Variants in ARFGAP3 observed in about 807,000 individuals in gnomAD.
The protein encoded by ARFGAP3 is ARF GTPase activating protein 3.
In ARFGAP3, 72 loss-of-function variants were observed where a neutral mutation model predicts 75.0. The observed-to-expected ratio is 0.96, with a 90% confidence interval of 0.79 to 1.17. The LOEUF is 1.17. Among genes scored for constraint, ARFGAP3 ranks in the 50% most tolerant of loss-of-function variants. The probability of loss-of-function intolerance (pLI) is 0.00; values close to 1 mark genes in which losing one functional copy is unlikely to be tolerated. For synonymous variants in ARFGAP3, 221 were observed against 217.9 expected (o/e 1.01, Z -0.13); for missense variants, 620 against 626.6 (o/e 0.99, Z 0.11).
chr22:42,826,817 C>A, intron 7 of ARFGAP3, 123 bp downstream of exon 7: 1 of 628,208 alleles, frequency 1.6e-6, no homozygotes, highest in South Asian at 2.7e-5. Flanking sequence ...ATCTTATTAA[C>A]AGATTCGGTC....
intron 12 of ARFGAP3, among the ~76,000 whole-genome samples, chr22:42,810,003 TAAAA>T (rs35072147): frequency 1.4e-4 from 14 of 102,138 alleles, no homozygotes; most frequent in Admixed American, 4.5e-4. Flanking sequence ...GACTCCATCT[TAAAA>T]AAAAAAAAAA....
At chr22:42,854,374 C>T (rs528769259) in intron 1 of ARFGAP3, among the ~76,000 whole-genome samples, 100 of 152,350 alleles carry the variant, frequency 6.6e-4, no homozygotes, top group African/African-American at 2.1e-3. Context: ...CCTGTAATCA[C>T]AGCACTTTGG....
At chr22:42,828,728 C>T (rs1926155258) in intron 6 of ARFGAP3, among the ~76,000 whole-genome samples, 1 of 148,322 alleles carries the variant, frequency 6.7e-6, no homozygotes, top group Non-Finnish European at 1.5e-5. Flanking sequence ...TTCTGTTGCC[C>T]AGGCGGAGTG....
At position 42,803,395 on chromosome 22, in the gene ARFGAP3, T is replaced by C. The variant is rs568382076; in HGVS notation, c.1411+3678A>G. On this transcript the variant is annotated intron_variant, in intron 14 of 15. Transcript: ENST00000263245. ...TGGTTAAGGGACCTCACAAACAACC[T>C]ACCACTTGACCCCACGATGCACACA... Among the ~76,000 whole-genome samples, 28 of 152,292 alleles carry C rather than the reference T, an allele frequency of 1.8e-4. 2 individuals are homozygous for C. In the South Asian group the frequency reaches 5.8e-3, roughly 32 times the overall value.
chr22:42,802,603 A>ATTTT (rs544982207), intron 14 of ARFGAP3, among the ~76,000 whole-genome samples: 1 of 133,168 alleles, frequency 7.5e-6, no homozygotes, highest in Non-Finnish European at 1.6e-5. Context: ...CAAAATAAGA[A>ATTTT]TTTTTTTTTT....
Position 42,796,780 on chromosome 22 carries a change from A to T in ARFGAP3, c.*808T>A, listed in dbSNP as rs1283564037. The T allele has an allele frequency of 6.6e-6, 1 of 152,246 alleles. No homozygotes were observed. The highest frequency in any genetic ancestry group is 2.4e-5 in the African/African-American group (1 of 41,464). 9.4% of individuals were successfully genotyped at this position (152,246 alleles called of 1,614,324 possible). On this transcript the variant is annotated 3_prime_UTR_variant, in exon 16 of 16. Coordinates refer to ENST00000263245, the MANE Select transcript of ARFGAP3 (RefSeq NM_014570.5). ...TTAACAAAACTACCCAATTACAATGACTGTTCTCCCATACACGCAACTATT... is the reference window on the plus strand; with the variant it reads ...TTAACAAAACTACCCAATTACAATGTCTGTTCTCCCATACACGCAACTATT...
At chr22:42,853,776 AT>A in intron 1 of ARFGAP3, 1 of 161,694 alleles carries the variant, frequency 6.2e-6, no homozygotes, top group Non-Finnish European at 1.4e-5. Flanking sequence ...GAAAAGGACC[AT>A]TTTTTCCTTG....
Position 42,832,133 on chromosome 22 carries a change from T to C in ARFGAP3, c.478-497A>G, listed in dbSNP as rs553777664. 5.4e-5 allele frequency among the ~76,000 whole-genome samples: 8 copies of C among 147,192 alleles called. No individual in the cohort carries two copies. The South Asian group carries it at 1.7e-3, about 31-fold the overall frequency. ...TTTTGGTAACTATTGACTGTGACAA[T>C]GCTAATAAGTATGTGCAAATTATAA... On this transcript the variant is annotated intron_variant, in intron 5 of 15. Coordinates refer to ENST00000263245, the MANE Select transcript of ARFGAP3 (RefSeq NM_014570.5).
intron 1 of ARFGAP3, among the ~76,000 whole-genome samples, chr22:42,849,419 G>C (rs114991339): frequency 2.6e-5 from 4 of 152,120 alleles, no homozygotes; most frequent in African/African-American, 9.7e-5. Context: ...CCCACTGAGG[G>C]CACTGAGAGC....
chr22:42,821,221 T>C (rs1308505904), intron 9 of ARFGAP3, among the ~76,000 whole-genome samples: 2 of 152,230 alleles, frequency 1.3e-5, no homozygotes, highest in Non-Finnish European at 1.5e-5. Flanking sequence ...TAAATACTTT[T>C]TTCATTATGC....
intron 11 of ARFGAP3, among the ~76,000 whole-genome samples, chr22:42,814,106 T>A (rs1401803213): frequency 6.6e-6 from 1 of 152,172 alleles, no homozygotes; most frequent in African/African-American, 2.4e-5. Context: ...TTGTACTCAA[T>A]ATATAATTAT....
intron 3 of ARFGAP3, among the ~76,000 whole-genome samples, chr22:42,838,301 CT>C (rs1180613010): frequency 1.9e-4 from 19 of 98,852 alleles, no homozygotes; most frequent in Non-Finnish European, 2.7e-4. Context: ...TTTTTTTTTT[CT>C]TTTTTTTTTT....
At chr22:42,843,937 C>T (rs1225852435) in intron 2 of ARFGAP3, among the ~76,000 whole-genome samples, 1 of 152,144 alleles carries the variant, frequency 6.6e-6, no homozygotes, top group Admixed American at 6.6e-5. Context: ...ATCTGCCTTC[C>T]CCCCTTTGCT....
intron 14 of ARFGAP3, 132 bp downstream of exon 14, chr22:42,806,941 G>T: frequency 1.1e-6 from 1 of 905,976 alleles, no homozygotes; most frequent in Non-Finnish European, 1.6e-6. Context: ...TGCTCTACCT[G>T]ACTTATAGCA....
At chr22:42,808,148 A>G (rs1026385758) in intron 13 of ARFGAP3, among the ~76,000 whole-genome samples, 1 of 152,062 alleles carries the variant, frequency 6.6e-6, no homozygotes, top group Non-Finnish European at 1.5e-5. Context: ...CTGTAATACC[A>G]GCACTTTGGG....
intron 1 of ARFGAP3, among the ~76,000 whole-genome samples, chr22:42,848,004 A>C (rs1214689667): frequency 6.6e-6 from 1 of 151,380 alleles, no homozygotes; most frequent in Non-Finnish European, 1.5e-5. Context: ...AGCTGGGACT[A>C]CAGGCTCACA....
At chr22:42,826,236 C>T (rs8140272) in intron 7 of ARFGAP3, among the ~76,000 whole-genome samples, 97,676 of 152,010 alleles carry the variant, frequency 0.64, 32,881 homozygotes, top group African/African-American at 0.84. Flanking sequence ...ATAATAAAAT[C>T]AGAAAGAGAA....
At position 42,797,461 on chromosome 22, in the gene ARFGAP3, C is replaced by A; in HGVS notation, c.*127G>T. ...CAAAAGAAATATTAAAAATCAGAAA[C>A]ATATACCATATGAAAAAGTAGCAAA... On this transcript the variant is annotated 3_prime_UTR_variant, in exon 16 of 16. Transcript: ENST00000263245. 1 of 1,176,096 alleles carries A rather than the reference C, an allele frequency of 8.5e-7. No homozygotes were observed. 72.9% of individuals were successfully genotyped at this position (1,176,096 alleles called of 1,614,324 possible). A position where few individuals can be genotyped will look rare whatever the true frequency, so the allele number is the denominator to read the frequency against.
rs1569129737 is a variant in ARFGAP3 at position 42,799,123 on chromosome 22, G to A, written c.1449C>T (p.Pro483=). 6 of 1,614,092 alleles carry A rather than the reference G, an allele frequency of 3.7e-6. No individual in the cohort carries two copies. The highest frequency in any genetic ancestry group is 2.2e-5 in the East Asian group (1 of 44,882). ...YSLSSVLPNA[P]DMAQFKQGVR... ...CTCCCTGCTTGAACTGCGCCATGTC[G>A]GGGGCGTTGGGCAGCACACTGGACA... The change falls in exon 15 of 16, where the codon CCC becomes CCT. Residue 483 remains proline, a synonymous_variant. Coordinates refer to ENST00000263245, the MANE Select transcript of ARFGAP3 (RefSeq NM_014570.5).
Sources: gnomAD v4.1 joint callset for allele counts (sites outside exome capture counted in the v4.1 genomes callset) on GRCh38, gnomAD v4.1.1 for gene constraint, MANE v1.5 for transcripts, NCBI Gene and HGNC (gene_info 2026-07-23, HGNC 2026-07-21) for gene names.